SCAI: variants seen among roughly 807,000 people sequenced by gnomAD.
SCAI encodes the protein suppressor of cancer cell invasion.
SCAI carries 24 observed loss-of-function variants against 92.2 expected under a neutral mutation model. The ratio of observed to expected loss-of-function variants is 0.26; its 90% CI spans 0.19 to 0.37. SCAI has a LOEUF of 0.37. SCAI is among the 10% of genes least tolerant of loss of function. The pLI is 1.00. For missense variants in SCAI, 450 were observed against 736.2 expected, an observed-to-expected ratio of 0.61 and a Z score of 4.50; for synonymous variants, 261 against 258.6, an observed-to-expected ratio of 1.01 and a Z score of -0.09.
chr9:125,053,918 G>T (rs145867998), intron 3 of SCAI, among the ~76,000 whole-genome samples: 3 of 152,208 alleles, frequency 2.0e-5, no homozygotes, highest in African/African-American at 7.2e-5. Flanking sequence ...TTACACAAGG[G>T]ATTTAAATGC....
intron 3 of SCAI, among the ~76,000 whole-genome samples, chr9:125,047,958 C>CT (rs1432586987): frequency 4.6e-5 from 7 of 151,622 alleles, no homozygotes; most frequent in African/African-American, 1.7e-4. Flanking sequence ...TATTAAATTT[C>CT]TATTAGTCAT....
chr9:125,081,510 G>A (rs1259057637), intron 2 of SCAI, among the ~76,000 whole-genome samples: 1 of 152,174 alleles, frequency 6.6e-6, no homozygotes, highest in Non-Finnish European at 1.5e-5. Flanking sequence ...GGTACTGGTG[G>A]AAGAAATTTC....
Position 124,942,744 on chromosome 9 carries a change from ATTTCT to A in SCAI, c.*10058_*10062del, listed in dbSNP as rs924671413. 6 of 152,212 alleles carry A rather than the reference ATTTCT, an allele frequency of 3.9e-5. No homozygotes were observed. The highest frequency in any genetic ancestry group is 5.9e-5 in the Non-Finnish European group (4 of 68,040). 9.4% of individuals were successfully genotyped at this position (152,212 alleles called of 1,614,324 possible). A position where few individuals can be genotyped will look rare whatever the true frequency, so the allele number is the denominator to read the frequency against. On this transcript the variant is annotated 3_prime_UTR_variant, in exon 18 of 18. Transcript: ENST00000336505. ...CTAGAGAACATTTATCAATGTGAAAATTTCTTTAATACACTGACAACAAAAATCAA... is the reference window on the plus strand; with the variant it reads ...CTAGAGAACATTTATCAATGTGAAAATTAATACACTGACAACAAAAATCAA...
chr9:124,988,868 A>C (rs942443734), intron 14 of SCAI, among the ~76,000 whole-genome samples: 1 of 152,238 alleles, frequency 6.6e-6, no homozygotes, highest in East Asian at 1.9e-4. Context: ...AGCCAGGCAC[A>C]GTGGCTCACG....
At chr9:125,037,984 C>T (rs1487858537) in intron 3 of SCAI, among the ~76,000 whole-genome samples, 1 of 152,042 alleles carries the variant, frequency 6.6e-6, no homozygotes. Flanking sequence ...CAGGTCAGTG[C>T]AGTGGCTCAT....
At chr9:125,044,854 G>C (rs1398270245) in intron 3 of SCAI, among the ~76,000 whole-genome samples, 1 of 152,106 alleles carries the variant, frequency 6.6e-6, no homozygotes, top group Non-Finnish European at 1.5e-5. Context: ...TGTTCCCCTC[G>C]TCCAGATGTG....
intron 9 of SCAI, among the ~76,000 whole-genome samples, chr9:125,017,766 T>C (rs1340161048): frequency 6.6e-6 from 1 of 152,052 alleles, no homozygotes; most frequent in East Asian, 1.9e-4. Context: ...CCCAACACTT[T>C]GGGAGGCTGA....
intron 2 of SCAI, among the ~76,000 whole-genome samples, chr9:125,076,756 TGGC>T (rs995837276): frequency 6.6e-6 from 1 of 152,066 alleles, no homozygotes; most frequent in Non-Finnish European, 1.5e-5. Context: ...TGGAGTGCAG[TGGC>T]GTGATCTCAG....
At chr9:124,968,429 A>G (rs754780473) in intron 17 of SCAI, 14 of 1,112,518 alleles carry the variant, frequency 1.3e-5, no homozygotes, top group African/African-American at 1.5e-5. Flanking sequence ...CAGTCCAGTC[A>G]TAACGCTTGA....
chr9:125,132,082 G>C (rs1399306018), intron 2 of SCAI, among the ~76,000 whole-genome samples: 1 of 151,270 alleles, frequency 6.6e-6, no homozygotes, highest in East Asian at 1.9e-4. Flanking sequence ...ACATGCTTTC[G>C]CTAGGTTATC....
At chr9:125,072,244 G>A (rs146739968) in intron 2 of SCAI, among the ~76,000 whole-genome samples, 1 of 152,068 alleles carries the variant, frequency 6.6e-6, no homozygotes, top group Admixed American at 6.6e-5. Context: ...GGATGGTCTC[G>A]ATCTCCTGAC....
intron 2 of SCAI, among the ~76,000 whole-genome samples, chr9:125,106,867 A>AT (rs3051151): frequency 5.2e-5 from 7 of 135,648 alleles, no homozygotes; most frequent in African/African-American, 1.1e-4. Flanking sequence ...TGCCTGGTTA[A>AT]TTTTTTTTTT....
intron 9 of SCAI, among the ~76,000 whole-genome samples, chr9:125,017,973 C>A (rs73577825): frequency 0.19 from 28,383 of 151,584 alleles, 2,724 homozygotes; most frequent in East Asian, 0.24. Flanking sequence ...CATGACACTG[C>A]ACTCCCACCT....
At position 124,948,113 on chromosome 9, in the gene SCAI, C is replaced by T. The variant is rs1159423296; in HGVS notation, c.*4694G>A. The T allele has an allele frequency of 6.6e-6, 1 of 152,206 alleles. No homozygotes were observed. The highest frequency in any genetic ancestry group is 1.5e-5 in the Non-Finnish European group (1 of 68,038). 9.4% of individuals were successfully genotyped at this position (152,206 alleles called of 1,614,324 possible). ...CCTAATACATAAATCCGATTTGTCG[C>T]TTTTCCCATTATCCTGACTAAATCA... On this transcript the variant is annotated 3_prime_UTR_variant, in exon 18 of 18. Transcript: ENST00000336505.
intron 2 of SCAI, among the ~76,000 whole-genome samples, chr9:125,137,180 G>A (rs927326200): frequency 9.8e-5 from 15 of 152,290 alleles, no homozygotes; most frequent in African/African-American, 3.6e-4. Context: ...TGTTTTCTGA[G>A]GAAAATCTTG....
intron 9 of SCAI, among the ~76,000 whole-genome samples, chr9:125,009,628 C>T (rs540635604): frequency 1.3e-5 from 2 of 152,012 alleles, no homozygotes; most frequent in African/African-American, 2.4e-5. Flanking sequence ...GGCTCACACC[C>T]GTAATCCCAA....
chr9:124,964,524 C>T (rs1001137590), intron 17 of SCAI, among the ~76,000 whole-genome samples: 6 of 152,156 alleles, frequency 3.9e-5, no homozygotes, highest in Admixed American at 2.6e-4. Context: ...TTCAGGCTTT[C>T]ATGATGTTCT....
At chr9:125,122,710 G>A (rs1172559220) in intron 2 of SCAI, among the ~76,000 whole-genome samples, 1 of 150,952 alleles carries the variant, frequency 6.6e-6, no homozygotes, top group Admixed American at 6.6e-5. Context: ...TTCGAGACCA[G>A]CCTGGACAAC....
chr9:125,072,788 TTGTC>T (rs1834003444), intron 2 of SCAI, among the ~76,000 whole-genome samples: 1 of 152,194 alleles, frequency 6.6e-6, no homozygotes, highest in African/African-American at 2.4e-5. Flanking sequence ...CATATAGTAT[TTGTC>T]TTTTTGTGTC....
Sources: allele counts gnomAD v4.1 joint callset (sites outside exome capture counted in the v4.1 genomes callset), GRCh38; gene constraint gnomAD v4.1.1; transcripts MANE v1.5; gene names NCBI Gene and HGNC (gene_info 2026-07-23, HGNC 2026-07-21).